Variants in LRBA observed in about 807,000 individuals in gnomAD.
LRBA encodes the protein LPS responsive beige-like anchor protein.
Under a neutral mutation model 330.0 loss-of-function variants are expected in LRBA, and 176 were observed. The observed-to-expected ratio is 0.53, with a 90% CI of 0.47 to 0.60. The LOEUF (loss-of-function observed/expected upper bound fraction) is 0.60. Ranked by LOEUF, LRBA falls within the 20% of genes least tolerant of loss-of-function variation. LRBA has a pLI of 0.00. For synonymous variants in LRBA, 1,230 were observed against 1,193.0 expected (o/e 1.03, Z -0.64); for missense variants, 3,259 against 3,444.8 (o/e 0.95, Z 1.35).
At chr4:150,887,245 AT>A (rs1729036290) in intron 17 of LRBA, among the ~76,000 whole-genome samples, 1 of 152,216 alleles carries the variant, frequency 6.6e-6, no homozygotes. Flanking sequence ...CAATATCAAA[AT>A]GTAAAACACA....
At chr4:150,976,066 T>A (rs1740129401) in intron 2 of LRBA, among the ~76,000 whole-genome samples, 1 of 150,782 alleles carries the variant, frequency 6.6e-6, no homozygotes, top group Non-Finnish European at 1.5e-5. Context: ...TCCCAGCTAC[T>A]CAGAAGGCTG....
intron 36 of LRBA, among the ~76,000 whole-genome samples, chr4:150,693,796 A>C (rs1243142390): frequency 6.6e-6 from 1 of 152,110 alleles, no homozygotes; most frequent in Non-Finnish European, 1.5e-5. Flanking sequence ...CATTGTTTCT[A>C]AAGTTAGGTT....
intron 38 of LRBA, among the ~76,000 whole-genome samples, chr4:150,592,945 T>C (rs1448601956): frequency 6.6e-6 from 1 of 152,026 alleles, no homozygotes; most frequent in African/African-American, 2.4e-5. Flanking sequence ...ATTTTTTTTT[T>C]AAAGGCTAAA....
intron 28 of LRBA, among the ~76,000 whole-genome samples, chr4:150,843,678 A>G (rs1018400236): frequency 6.6e-6 from 1 of 152,202 alleles, no homozygotes; most frequent in Non-Finnish European, 1.5e-5. Context: ...CAGAGCATCA[A>G]TTTTAGAATT....
intron 35 of LRBA, among the ~76,000 whole-genome samples, chr4:150,741,616 T>C (rs1050984298): frequency 6.6e-6 from 1 of 152,062 alleles, no homozygotes; most frequent in Non-Finnish European, 1.5e-5. Flanking sequence ...ACTACCCAAA[T>C]GTCCATTAAA....
chr4:150,279,755 A>AGAT (rs1262308741), intron 55 of LRBA, among the ~76,000 whole-genome samples: 1 of 152,260 alleles, frequency 6.6e-6, no homozygotes, highest in African/African-American at 2.4e-5. Context: ...ACAGATATTA[A>AGAT]GATATTTTCA....
intron 24 of LRBA, among the ~76,000 whole-genome samples, chr4:150,850,186 C>T (rs1313852059): frequency 6.6e-6 from 1 of 151,728 alleles, no homozygotes; most frequent in African/African-American, 2.4e-5. Context: ...CGCCACCTCC[C>T]GGGTTCACAC....
At chr4:150,470,001 G>C (rs547711779) in intron 43 of LRBA, among the ~76,000 whole-genome samples, 78 of 152,186 alleles carry the variant, frequency 5.1e-4, no homozygotes, top group Admixed American at 4.4e-3. Flanking sequence ...TGGCCAACAT[G>C]GTGAAACCCC....
intron 36 of LRBA, among the ~76,000 whole-genome samples, chr4:150,726,440 G>C (rs1729682210): frequency 6.6e-6 from 1 of 152,112 alleles, no homozygotes; most frequent in Non-Finnish European, 1.5e-5. Context: ...CCAGCAAGAG[G>C]ATATAACGAT....
chr4:150,787,668 T>A (rs756406526), intron 34 of LRBA, among the ~76,000 whole-genome samples: 1 of 152,214 alleles, frequency 6.6e-6, no homozygotes, highest in African/African-American at 2.4e-5. Context: ...TTACAAACAA[T>A]CTAATTATAC....
At chr4:150,638,077 G>A (rs1353990833) in intron 37 of LRBA, among the ~76,000 whole-genome samples, 1 of 150,968 alleles carries the variant, frequency 6.6e-6, no homozygotes, top group Non-Finnish European at 1.5e-5. Flanking sequence ...TATTCTATTT[G>A]TTTACAATTT....
chr4:150,991,727 C>A (rs1219769756), intron 2 of LRBA, among the ~76,000 whole-genome samples: 1 of 152,024 alleles, frequency 6.6e-6, no homozygotes, highest in Admixed American at 6.6e-5. Flanking sequence ...ATCTCATATA[C>A]CAAATGTGAT....
Position 150,852,697 on chromosome 4 carries a change from A to G in LRBA, c.3013T>C (p.Ser1005Pro), listed in dbSNP as rs1179461003. 1 of 1,614,002 alleles carries G rather than the reference A, an allele frequency of 6.2e-7. No individual in the cohort carries two copies. Among genetic ancestry groups the G allele is most frequent in the East Asian group, 2.2e-5 (1 of 44,868 alleles). The change falls in exon 23 of 57, where the codon TCT becomes CCT. Residue 1005 changes from serine (S) to proline (P), a missense_variant. Physicochemically the swap from Ser to Pro is moderately conservative, Grantham distance 74. Transcript: ENST00000651943. ...IEKTSSLESA[S>P]NIELQTTNTS... The stretch of plus-strand genomic sequence containing the variant: ...TTAGTAGTTTGCAGTTCAATATTAG[A>G]TGCAGATTCTAGTGAACTTGTCTTC...
At chr4:150,674,152 C>CA (rs35345652) in intron 37 of LRBA, among the ~76,000 whole-genome samples, 49 of 147,706 alleles carry the variant, frequency 3.3e-4, no homozygotes, top group African/African-American at 9.9e-4. Flanking sequence ...ACAGTATTTA[C>CA]AAAAAAAAGT....
chr4:150,801,272 T>C (rs568324700), intron 33 of LRBA, among the ~76,000 whole-genome samples: 1 of 152,304 alleles, frequency 6.6e-6, no homozygotes, highest in Non-Finnish European at 1.5e-5. Context: ...TAAAACTAAA[T>C]GCTCATGATG....
intron 36 of LRBA, among the ~76,000 whole-genome samples, chr4:150,725,240 T>C (rs1345596563): frequency 6.6e-6 from 1 of 151,840 alleles, no homozygotes; most frequent in Non-Finnish European, 1.5e-5. Context: ...GATATCAAAT[T>C]CAAGTAAAAG....
intron 2 of LRBA, among the ~76,000 whole-genome samples, chr4:150,981,816 C>T (rs977264459): frequency 6.6e-6 from 1 of 151,736 alleles, no homozygotes; most frequent in South Asian, 2.1e-4. Flanking sequence ...AAAAATTAGC[C>T]GGGCGTGGTG....
intron 55 of LRBA, among the ~76,000 whole-genome samples, chr4:150,279,276 G>C (rs751612768): frequency 6.6e-6 from 1 of 152,058 alleles, no homozygotes; most frequent in Admixed American, 6.6e-5. Context: ...ACTCCTAATT[G>C]TCCCTCCCTC....
intron 40 of LRBA, among the ~76,000 whole-genome samples, chr4:150,497,562 G>A (rs188687198): frequency 6.6e-6 from 1 of 152,000 alleles, no homozygotes; most frequent in East Asian, 1.9e-4. Context: ...TTTCCCTTCT[G>A]GTTTCAAGTA....
Sources: gnomAD v4.1 joint callset for allele counts (sites outside exome capture counted in the v4.1 genomes callset) on GRCh38, gnomAD v4.1.1 for gene constraint, MANE v1.5 for transcripts, NCBI Gene and HGNC (gene_info 2026-07-23, HGNC 2026-07-21) for gene names.